The following GATA6 variants were observed in gnomAD, a reference collection of about 807,000 sequenced individuals.
GATA6 encodes the protein transcription factor GATA-6.
Under a neutral mutation model 48.1 loss-of-function variants are expected in GATA6, and 11 were observed. That is an observed-to-expected ratio of 0.23 (90% CI 0.14 to 0.38). The LOEUF is 0.38. Among genes scored for constraint, GATA6 ranks in the 10% least tolerant of loss-of-function variants. The pLI is 1.00. For missense variants in GATA6, 795 were observed against 850.3 expected, an observed-to-expected ratio of 0.93 and a Z score of 0.81; for synonymous variants, 419 against 396.1, an observed-to-expected ratio of 1.06 and a Z score of -0.69.
intron 6 of GATA6, among the ~76,000 whole-genome samples, chr18:22,188,899 G>A (rs978402387): frequency 1.1e-4 from 16 of 152,054 alleles, no homozygotes; most frequent in Non-Finnish European, 1.5e-5. Context: ...CTCTTCTAAT[G>A]GAAACATATT....
intron 2 of GATA6, among the ~76,000 whole-genome samples, chr18:22,173,870 G>T (rs1219343738): frequency 2.0e-5 from 3 of 152,192 alleles, no homozygotes; most frequent in Non-Finnish European, 4.4e-5. Flanking sequence ...CTTGACTTCA[G>T]GCGATCCATT....
In GATA6 at chr18:22,171,701, C is replaced by G. The variant is rs1385341551; in HGVS notation, c.557C>G (p.Pro186Arg). The G allele has an allele frequency of 4.7e-6, 7 of 1,497,884 alleles. No homozygotes were observed. The Admixed American group carries it at 9.0e-5, about 19-fold the overall frequency. The allele number at this position is 1,497,884 out of a possible 1,614,324, so 92.8% of individuals were successfully genotyped here. The change falls in exon 2 of 7, where the codon CCG (proline) becomes CGG (arginine). Residue 186 changes from proline to arginine, a missense_variant. By Grantham distance (103) the Pro-to-Arg change is moderately radical (BLOSUM62 -2). Around this residue, in one of 5 missense-constraint regions of GATA6, gnomAD observed 591 missense variants for 570.0 expected, o/e 1.04. Coordinates refer to ENST00000269216, the MANE Select transcript of GATA6 (RefSeq NM_005257.6). This position sits in a 1 kb window ranked among gnomAD's most constrained non-coding sequence, Gnocchi z 7.1. ...GCAGCCGCGGCGGCGGCCAGCTCCC[C>G]GGTCTACGTGCCCACCACCCGCGTG... ...AAAAAAAASS[P>R]VYVPTTRVGS...
Position 22,176,962 on chromosome 18 carries a change from G to A in GATA6, c.1143G>A (p.Leu381=). Residue 381 remains leucine (L), a synonymous_variant, in exon 3 of 7, where the codon CTG becomes CTA. Transcript: ENST00000269216. ...PVPRGPSADL[L]EDLSESRECV... is the part of the protein sequence containing the mutation. ...GCACCGCTGTCGCCGCAGACCTGCTGGAGGACCTGTCCGAGAGCCGCGAGT... is the reference window on the plus strand; with the variant it reads ...GCACCGCTGTCGCCGCAGACCTGCTAGAGGACCTGTCCGAGAGCCGCGAGT... The A allele has an allele frequency of 3.2e-6, 5 of 1,556,708 alleles. No homozygotes were observed. Among genetic ancestry groups the A allele is most frequent in the South Asian group, 1.2e-5 (1 of 85,086 alleles).
intron 3 of GATA6, among the ~76,000 whole-genome samples, chr18:22,178,927 G>T (rs1057512559): frequency 2.1e-4 from 32 of 152,178 alleles, no homozygotes; most frequent in African/African-American, 7.2e-4. Flanking sequence ...AACTTTCAAA[G>T]GTAACATTTT....
rs558819609 is a variant in GATA6, at chr18:22,172,843, G to A, written c.1135+564G>A. On this transcript the variant is annotated intron_variant, in intron 2 of 6. Coordinates refer to ENST00000269216, the MANE Select transcript of GATA6 (RefSeq NM_005257.6). This position sits in a 1 kb window ranked among gnomAD's most constrained non-coding sequence, Gnocchi z 5.2. ...ACAGAAGAACCTAGATGTTCCTAGGGAAGCTAGTTGGCGTCTCCTCTCCCA... is the reference window on the plus strand; with the variant it reads ...ACAGAAGAACCTAGATGTTCCTAGGAAAGCTAGTTGGCGTCTCCTCTCCCA... 9.8e-5 allele frequency among the ~76,000 whole-genome samples: 15 copies of A among 152,350 alleles called. No homozygotes were observed. In the South Asian group the frequency reaches 3.1e-3, roughly 32 times the overall value.
At chr18:22,175,431 T>C (rs2033109248) in intron 2 of GATA6, 1 of 152,200 alleles carries the variant, frequency 6.6e-6, no homozygotes, top group Non-Finnish European at 1.5e-5. Flanking sequence ...GGGGCTCTGA[T>C]AGGTAACATT....
At chr18:22,175,246 C>T (rs1234754755) in intron 2 of GATA6, among the ~76,000 whole-genome samples, 1 of 152,038 alleles carries the variant, frequency 6.6e-6, no homozygotes, top group Non-Finnish European at 1.5e-5. Flanking sequence ...TAAAAATAAG[C>T]AAGCTTCCTA....
At chr18:22,182,370 GT>G (rs1416700149) in intron 4 of GATA6, among the ~76,000 whole-genome samples, 1 of 118,294 alleles carries the variant, frequency 8.5e-6, no homozygotes, top group Non-Finnish European at 1.8e-5. Flanking sequence ...TTTTTTTCTT[GT>G]TTTGAGATGG....
chr18:22,195,349 T>A (rs888535056), intron 6 of GATA6, among the ~76,000 whole-genome samples: 2 of 152,176 alleles, frequency 1.3e-5, no homozygotes, highest in Non-Finnish European at 2.9e-5. Flanking sequence ...GCCTCGACTC[T>A]GGTTCCCTCC....
intron 3 of GATA6, among the ~76,000 whole-genome samples, chr18:22,180,687 T>A (rs544326775): frequency 1.0e-3 from 152 of 150,594 alleles, no homozygotes; most frequent in African/African-American, 3.0e-3. Context: ...CTTTTTTTTT[T>A]TTAAAAAAAA....
intron 3 of GATA6, among the ~76,000 whole-genome samples, chr18:22,177,479 A>AGAT (rs2033138081): frequency 6.6e-6 from 1 of 152,222 alleles, no homozygotes; most frequent in Non-Finnish European, 1.5e-5. Context: ...AATAATCTAT[A>AGAT]TATCTCTAGG....
At chr18:22,180,677 CTTTT>C (rs201442589) in intron 3 of GATA6, among the ~76,000 whole-genome samples, 13 of 146,870 alleles carry the variant, frequency 8.9e-5, no homozygotes, top group African/African-American at 2.5e-4. Flanking sequence ...AAATATATTT[CTTTT>C]TTTTTTTTAA....
At chr18:22,179,135 A>G (rs1485865294) in intron 3 of GATA6, among the ~76,000 whole-genome samples, 1 of 152,258 alleles carries the variant, frequency 6.6e-6, no homozygotes, top group Admixed American at 6.5e-5. Context: ...TGTCTTGGCC[A>G]TAACCAAGGT....
At chr18:22,177,877 C>G (rs533865282) in intron 3 of GATA6, among the ~76,000 whole-genome samples, 36 of 149,036 alleles carry the variant, frequency 2.4e-4, no homozygotes, top group African/African-American at 8.7e-4. Context: ...CTTTGTAGAA[C>G]TTGAGTAAAA....
In GATA6 at chr18:22,172,301, C is replaced by T. The variant is rs1171685155; in HGVS notation, c.1135+22C>T. The T allele has an allele frequency of 3.9e-6, 6 of 1,529,780 alleles. No individual in the cohort carries two copies. In the East Asian group the frequency reaches 1.2e-4, roughly 31 times the overall value. The allele number at this position is 1,529,780 out of a possible 1,614,324, so 94.8% of individuals were successfully genotyped here. A position where few individuals can be genotyped will look rare whatever the true frequency, so the allele number is the denominator to read the frequency against. Reference sequence around the variant, plus strand: ...GCAGGTAAGGGTCGCGCCTCAGGTTCGGGGTGCGGGTCCAAAGCGCTGGGG... The same window carrying T: ...GCAGGTAAGGGTCGCGCCTCAGGTTTGGGGTGCGGGTCCAAAGCGCTGGGG... On this transcript the variant is annotated intron_variant, in intron 2 of 6. Transcript: ENST00000269216. The surrounding 1 kb of genome is among the most constrained non-coding windows in gnomAD (Gnocchi z 5.2).
In GATA6 at chr18:22,171,411, G is replaced by A; in HGVS notation, c.267G>A (p.Gly89=). ...GTTCCTACGCTTCGCATCCCTTCGG[G>A]GCTCCCCACGGACCTTCGGCGCCTG... The part of the protein sequence containing the change: ...LLSSYASHPF[G]APHGPSAPGV... Residue 89 remains glycine (G), a synonymous_variant, in exon 2 of 7, where the codon GGG becomes GGA. Transcript: ENST00000269216. This position sits in a 1 kb window ranked among gnomAD's most constrained non-coding sequence, Gnocchi z 7.1. 1 of 1,588,914 alleles carries A rather than the reference G, an allele frequency of 6.3e-7. No individual in the cohort carries two copies. The highest frequency in any genetic ancestry group is 8.5e-7 in the Non-Finnish European group (1 of 1,175,280).
At position 22,172,062 on chromosome 18, in the gene GATA6, C is replaced by G. The variant is rs1555628829; in HGVS notation, c.918C>G (p.Arg306=). 3.1e-6 allele frequency: 4 copies of G among 1,281,036 alleles called. No individual in the cohort carries two copies. In the South Asian group the frequency reaches 1.1e-4, roughly 34 times the overall value. The allele number at this position is 1,281,036 out of a possible 1,614,324, so 79.4% of individuals were successfully genotyped here. A position where few individuals can be genotyped will look rare whatever the true frequency, so the allele number is the denominator to read the frequency against. ...GTAGCCTGGCGGCCATGGGCGGCCGCGAGCCCCAGTACAGCTCGCTGTCGG... is the reference window on the plus strand; with the variant it reads ...GTAGCCTGGCGGCCATGGGCGGCCGGGAGCCCCAGTACAGCTCGCTGTCGG... ...GGSSLAAMGG[R]EPQYSSLSAA... is the part of the protein sequence containing the mutation. The change falls in exon 2 of 7, where the codon CGC becomes CGG. Residue 306 remains arginine (R), a synonymous_variant. Coordinates refer to ENST00000269216, the MANE Select transcript of GATA6 (RefSeq NM_005257.6). This position sits in a 1 kb window ranked among gnomAD's most constrained non-coding sequence, Gnocchi z 5.2.
At chr18:22,195,060 G>A (rs2143332125) in intron 6 of GATA6, among the ~76,000 whole-genome samples, 1 of 152,256 alleles carries the variant, frequency 6.6e-6, no homozygotes, top group East Asian at 1.9e-4. Context: ...CAGCTACTCT[G>A]GAGACTGAGG....
chr18:22,173,736 G>T (rs1292375320), intron 2 of GATA6, among the ~76,000 whole-genome samples: 1 of 152,188 alleles, frequency 6.6e-6, no homozygotes, highest in Admixed American at 6.5e-5. Flanking sequence ...CTGTCTCCCG[G>T]GTTCAAGCGA....
Sources: gnomAD v4.1 joint callset for allele counts (sites outside exome capture counted in the v4.1 genomes callset) on GRCh38, gnomAD v4.1.1 for gene constraint, gnomAD v4.1.1 regional missense constraint, Gnocchi (gnomAD v3.1) non-coding constraint, MANE v1.5 for transcripts, NCBI Gene and HGNC (gene_info 2026-07-23, HGNC 2026-07-21) for gene names.